LRP1B: variants seen among roughly 807,000 people sequenced by gnomAD.
The protein encoded by LRP1B is low-density lipoprotein receptor-related protein 1B.
Under a neutral mutation model 556.6 loss-of-function variants are expected in LRP1B, and 217 were observed. That is an observed-to-expected ratio of 0.39 (90% CI 0.35 to 0.44). LRP1B has a LOEUF of 0.44. Ranked by LOEUF, LRP1B falls within the 20% of genes least tolerant of loss-of-function variation. The probability of loss-of-function intolerance (pLI) is 1.00; values close to 1 mark genes in which losing one functional copy is unlikely to be tolerated. For synonymous variants in LRP1B, 2,047 were observed against 1,865.8 expected, an observed-to-expected ratio of 1.10 and a Z score of -2.50; for missense variants, 5,053 against 5,620.8, an observed-to-expected ratio of 0.90 and a Z score of 3.23.
chr2:141,539,299 T>A (rs1318591332), intron 2 of LRP1B, among the ~76,000 whole-genome samples: 4 of 152,170 alleles, frequency 2.6e-5, no homozygotes, highest in Non-Finnish European at 4.4e-5. Context: ...ATGATTCAGC[T>A]CTTCCTCTGG....
chr2:142,115,443 C>A (rs1223790421), intron 1 of LRP1B, among the ~76,000 whole-genome samples: 1 of 120,850 alleles, frequency 8.3e-6, no homozygotes, highest in African/African-American at 3.1e-5. Flanking sequence ...AATAAAATAT[C>A]TGTGAGTCTA....
chr2:141,190,955 C>G (rs1482439086), intron 6 of LRP1B, among the ~76,000 whole-genome samples: 1 of 151,956 alleles, frequency 6.6e-6, no homozygotes, highest in Admixed American at 6.6e-5. Flanking sequence ...TTATCCTTCT[C>G]CCCTGGAGTA....
chr2:141,703,494 T>C (rs966564219), intron 2 of LRP1B, among the ~76,000 whole-genome samples: 11 of 151,974 alleles, frequency 7.2e-5, no homozygotes, highest in South Asian at 2.1e-4. Context: ...ATCTCAGTGA[T>C]GATTTGCATT....
At chr2:140,233,958 G>C (rs1392314081) in intron 90 of LRP1B, among the ~76,000 whole-genome samples, 2 of 151,310 alleles carry the variant, frequency 1.3e-5, no homozygotes, top group African/African-American at 4.8e-5. Flanking sequence ...TAGAATTAGA[G>C]GCATGCAGCA....
chr2:140,333,219 T>A (rs527678897), intron 79 of LRP1B, among the ~76,000 whole-genome samples: 1 of 152,230 alleles, frequency 6.6e-6, no homozygotes, highest in African/African-American at 2.4e-5. Flanking sequence ...AGGTCTCTCT[T>A]TCAATATCCC....
intron 7 of LRP1B, among the ~76,000 whole-genome samples, chr2:141,178,138 C>A (rs144714066): frequency 6.6e-6 from 1 of 152,178 alleles, no homozygotes; most frequent in Admixed American, 6.5e-5. Flanking sequence ...CCGGAAAAGG[C>A]AATAAACAGT....
intron 35 of LRP1B, among the ~76,000 whole-genome samples, chr2:140,731,748 C>T (rs1342102880): frequency 2.9e-5 from 3 of 102,944 alleles, no homozygotes; most frequent in African/African-American, 1.2e-4. Context: ...AGCCTGGCAA[C>T]AGAGTGAGAC....
chr2:141,363,644 C>A (rs1688917113), intron 3 of LRP1B, among the ~76,000 whole-genome samples: 1 of 152,046 alleles, frequency 6.6e-6, no homozygotes, highest in African/African-American at 2.4e-5. Context: ...GAATGTATCA[C>A]ACTATCAGAA....
At chr2:142,090,882 C>A (rs565737120) in intron 1 of LRP1B, among the ~76,000 whole-genome samples, 1 of 152,008 alleles carries the variant, frequency 6.6e-6, no homozygotes, top group Non-Finnish European at 1.5e-5. Flanking sequence ...TCAGGATATG[C>A]TAAATGTTAA....
chr2:140,861,200 A>G (rs1156956653), intron 27 of LRP1B, among the ~76,000 whole-genome samples: 4 of 152,150 alleles, frequency 2.6e-5, no homozygotes, highest in African/African-American at 9.7e-5. Flanking sequence ...TGAGGTCAGG[A>G]GATCAATATC....
chr2:141,827,467 T>G (rs1696976676), intron 1 of LRP1B, among the ~76,000 whole-genome samples: 1 of 152,204 alleles, frequency 6.6e-6, no homozygotes, highest in African/African-American at 2.4e-5. Context: ...CAGCCTTCAT[T>G]ATGAGGCCAC....
At chr2:140,332,225 C>T (rs1457094207) in intron 79 of LRP1B, among the ~76,000 whole-genome samples, 3 of 151,984 alleles carry the variant, frequency 2.0e-5, no homozygotes, top group African/African-American at 4.8e-5. Flanking sequence ...TCTTTCTCAC[C>T]TTTGAACTCT....
At chr2:141,285,191 A>G (rs1685660944) in intron 3 of LRP1B, among the ~76,000 whole-genome samples, 1 of 147,208 alleles carries the variant, frequency 6.8e-6, no homozygotes, top group African/African-American at 2.5e-5. Context: ...TCCGCCTCCC[A>G]GGTTCAAGCG....
At chr2:140,544,560 G>A (rs1680255897) in intron 43 of LRP1B, among the ~76,000 whole-genome samples, 1 of 152,082 alleles carries the variant, frequency 6.6e-6, no homozygotes. Flanking sequence ...AATTATAAGT[G>A]AGAACATGTG....
At chr2:141,681,674 T>C (rs2105430708) in intron 2 of LRP1B, among the ~76,000 whole-genome samples, 1 of 152,278 alleles carries the variant, frequency 6.6e-6, no homozygotes, top group Middle Eastern at 3.4e-3. Context: ...TTAACTTGAC[T>C]AAGGATATAA....
intron 32 of LRP1B, among the ~76,000 whole-genome samples, chr2:140,786,544 GA>G (rs1689907963): frequency 6.6e-6 from 1 of 152,112 alleles, no homozygotes; most frequent in Non-Finnish European, 1.5e-5. Context: ...AAGCTCTCTG[GA>G]AAAATCTCTT....
intron 41 of LRP1B, among the ~76,000 whole-genome samples, chr2:140,617,440 T>G (rs944524035): frequency 5.9e-5 from 9 of 152,008 alleles, no homozygotes; most frequent in Non-Finnish European, 1.3e-4. Context: ...AGTGTGTCAA[T>G]GTGATCTAGT....
intron 2 of LRP1B, among the ~76,000 whole-genome samples, chr2:141,570,201 C>T (rs1032156173): frequency 2.0e-5 from 3 of 151,106 alleles, no homozygotes; most frequent in Admixed American, 2.0e-4. Context: ...ACGAAGGCCT[C>T]TGGGTTGGTG....
intron 18 of LRP1B, among the ~76,000 whole-genome samples, chr2:140,955,760 T>C (rs1695854121): frequency 6.6e-6 from 1 of 151,658 alleles, no homozygotes; most frequent in Non-Finnish European, 1.5e-5. Flanking sequence ...ATTGGTATGG[T>C]ACTTATATTT....
Sources: allele counts gnomAD v4.1 joint callset (sites outside exome capture counted in the v4.1 genomes callset), GRCh38; gene constraint gnomAD v4.1.1; transcripts MANE v1.5; gene names NCBI Gene and HGNC (gene_info 2026-07-23, HGNC 2026-07-21).